The following GABRG3 variants were observed in gnomAD, a reference collection of about 807,000 sequenced individuals.
GABRG3 encodes gamma-aminobutyric acid type A receptor subunit gamma3.
Under a neutral mutation model 48.8 loss-of-function variants are expected in GABRG3, and 25 were observed. The observed-to-expected ratio is 0.51, with a 90% CI of 0.37 to 0.72. The LOEUF (loss-of-function observed/expected upper bound fraction) is 0.72, where lower values mean the gene tolerates loss of function less well. Among genes scored for constraint, GABRG3 ranks in the 30% least tolerant of loss-of-function variants. The probability of loss-of-function intolerance (pLI) is 0.00; values close to 1 mark genes in which losing one functional copy is unlikely to be tolerated. For synonymous variants in GABRG3, 227 were observed against 217.6 expected (o/e 1.04, Z -0.38); for missense variants, 394 against 577.9 (o/e 0.68, Z 3.26).
chr15:27,263,530 G>A (rs552048157), intron 3 of GABRG3, among the ~76,000 whole-genome samples: 1 of 152,218 alleles, frequency 6.6e-6, no homozygotes, highest in Non-Finnish European at 1.5e-5. Context: ...AGGAGCGTCC[G>A]ATGCACAGAT....
At chr15:27,293,878 A>G (rs1219952869) in intron 3 of GABRG3, among the ~76,000 whole-genome samples, 5 of 152,202 alleles carry the variant, frequency 3.3e-5, no homozygotes, top group African/African-American at 7.2e-5. Flanking sequence ...AGGAATCCCT[A>G]TGTCCAGGGA....
intron 3 of GABRG3, among the ~76,000 whole-genome samples, chr15:27,289,983 A>G (rs549248551): frequency 6.6e-6 from 1 of 152,286 alleles, no homozygotes; most frequent in South Asian, 2.1e-4. Flanking sequence ...AATAAAAGGA[A>G]CCAGAGCCCC....
intron 3 of GABRG3, among the ~76,000 whole-genome samples, chr15:27,101,842 T>TA (rs55887752): frequency 0.07 from 5,077 of 72,326 alleles, 212 homozygotes; most frequent in African/African-American, 0.1. Context: ...GCTGATGAGC[T>TA]AAAAAAAAAA....
At chr15:27,424,297 G>A (rs1050939786) in intron 5 of GABRG3, among the ~76,000 whole-genome samples, 1 of 152,098 alleles carries the variant, frequency 6.6e-6, no homozygotes, top group Non-Finnish European at 1.5e-5. Flanking sequence ...CCAAGACTGG[G>A]TAATTTATAA....
At chr15:27,441,524 G>A (rs1888783178) in intron 5 of GABRG3, among the ~76,000 whole-genome samples, 2 of 152,196 alleles carry the variant, frequency 1.3e-5, no homozygotes. Context: ...CCCAAGAGGA[G>A]CATGATGATC....
chr15:26,976,952 T>A lies in GABRG3; in HGVS notation c.54-50T>A. On this transcript the variant is annotated intron_variant, in intron 1 of 9. Coordinates refer to ENST00000615808, the MANE Select transcript of GABRG3 (RefSeq NM_033223.5). The surrounding 1 kb of genome is among the most constrained non-coding windows in gnomAD (Gnocchi z 7.8). ...GGATAGGACAAACTTAGGCTCTTCC[T>A]AGAGCCATTGCTGCCACTTATATGT... 1.9e-6 allele frequency: 3 copies of A among 1,603,468 alleles called. No individual in the cohort carries two copies. The highest frequency in any genetic ancestry group is 2.6e-6 in the Non-Finnish European group (3 of 1,170,958).
intron 5 of GABRG3, among the ~76,000 whole-genome samples, chr15:27,473,911 G>A (rs1330668668): frequency 6.6e-6 from 1 of 152,178 alleles, no homozygotes; most frequent in Non-Finnish European, 1.5e-5. Flanking sequence ...GTTAAACTCT[G>A]TCTTGTCTGT....
At chr15:26,982,662 A>G (rs1483089433) in intron 2 of GABRG3, among the ~76,000 whole-genome samples, 1 of 152,224 alleles carries the variant, frequency 6.6e-6, no homozygotes, top group African/African-American at 2.4e-5. Flanking sequence ...ATAAAACAGC[A>G]TATGTACACA....
intron 3 of GABRG3, among the ~76,000 whole-genome samples, chr15:27,278,024 G>A (rs934014829): frequency 9.9e-5 from 15 of 151,700 alleles, no homozygotes; most frequent in Admixed American, 3.9e-4. Flanking sequence ...TTATACACAC[G>A]CATCTGTGTG....
Position 27,315,733 on chromosome 15 carries a change from C to T in GABRG3, c.271-11076C>T, listed in dbSNP as rs547776965. Among the ~76,000 whole-genome samples, 6 of 152,312 alleles carry T rather than the reference C, an allele frequency of 3.9e-5. No individual in the cohort carries two copies. The South Asian group carries it at 1.2e-3, about 32-fold the overall frequency. The stretch of plus-strand genomic sequence containing the variant: ...TTGGTAACACCATTTTTATAAGATA[C>T]ATTCATTATACAACTGTTCACACTT... On this transcript the variant is annotated intron_variant, in intron 3 of 9. Coordinates refer to ENST00000615808, the MANE Select transcript of GABRG3 (RefSeq NM_033223.5).
intron 3 of GABRG3, among the ~76,000 whole-genome samples, chr15:27,228,991 ATATTT>A (rs1324525394): frequency 6.6e-6 from 1 of 152,154 alleles, no homozygotes; most frequent in African/African-American, 2.4e-5. Context: ...TAGTTTGCAA[ATATTT>A]TATTCTATTC....
intron 3 of GABRG3, among the ~76,000 whole-genome samples, chr15:27,042,168 C>T (rs773555017): frequency 6.6e-6 from 1 of 152,228 alleles, no homozygotes; most frequent in Non-Finnish European, 1.5e-5. Context: ...ATGTGGGTCC[C>T]ATCTGCCTCC....
chr15:27,500,849 A>AG (rs951360898), intron 6 of GABRG3, among the ~76,000 whole-genome samples: 2 of 151,926 alleles, frequency 1.3e-5, no homozygotes, highest in African/African-American at 4.8e-5. Context: ...GTTAAAAAAA[A>AG]AAAATTAATC....
intron 3 of GABRG3, among the ~76,000 whole-genome samples, chr15:27,119,386 A>G (rs1163435491): frequency 2.0e-5 from 3 of 152,184 alleles, no homozygotes; most frequent in South Asian, 4.2e-4. Context: ...GAACCTTACA[A>G]TGGTTAAGGA....
chr15:27,160,548 C>T (rs1416271503), intron 3 of GABRG3, among the ~76,000 whole-genome samples: 1 of 151,672 alleles, frequency 6.6e-6, no homozygotes, highest in Non-Finnish European at 1.5e-5. Flanking sequence ...TTGGGAAATC[C>T]CTTCAAATTT....
chr15:27,435,184 A>G (rs1033292544), intron 5 of GABRG3, among the ~76,000 whole-genome samples: 4 of 149,342 alleles, frequency 2.7e-5, no homozygotes, highest in Admixed American at 6.7e-5. Flanking sequence ...ACTATTTTAT[A>G]TAGTCTTTTA....
chr15:27,055,504 G>A (rs1275888761), intron 3 of GABRG3, among the ~76,000 whole-genome samples: 1 of 152,116 alleles, frequency 6.6e-6, no homozygotes, highest in African/African-American at 2.4e-5. Flanking sequence ...GACCTAATGC[G>A]ACAAATAGAA....
Position 27,540,244 on chromosome 15 carries a change from T to G in GABRG3, c.*7363T>G, listed in dbSNP as rs1891634825. The G allele has an allele frequency of 6.6e-6, 1 of 152,176 alleles. No homozygotes were observed. The highest frequency in any genetic ancestry group is 1.5e-5 in the Non-Finnish European group (1 of 68,010). 9.4% of individuals were successfully genotyped at this position (152,176 alleles called of 1,614,324 possible). ...CTATTTAGAAGAACATTCCATTCAA[T>G]TGTTGTTTGTTGATTGCTTTCTCTC... is the stretch of plus-strand genomic sequence containing the variant. On this transcript the variant is annotated 3_prime_UTR_variant, in exon 10 of 10. Transcript: ENST00000615808.
chr15:27,533,310 C>T lies in GABRG3; in HGVS notation c.*429C>T, dbSNP rs924539737. On this transcript the variant is annotated 3_prime_UTR_variant, in exon 10 of 10. Coordinates refer to ENST00000615808, the MANE Select transcript of GABRG3 (RefSeq NM_033223.5). ...TAGCACTCAGGAGTGTTGAATCACC[C>T]CTGGCCGAGACCCACTCCTGCTGGC... 3.5e-5 allele frequency: 6 copies of T among 169,468 alleles called. No individual in the cohort carries two copies. Among genetic ancestry groups the T allele is most frequent in the Non-Finnish European group, 7.6e-5 (6 of 79,278 alleles). 10.5% of individuals were successfully genotyped at this position (169,468 alleles called of 1,614,324 possible). A position where few individuals can be genotyped will look rare whatever the true frequency, so the allele number is the denominator to read the frequency against.
Sources: allele counts gnomAD v4.1 joint callset (sites outside exome capture counted in the v4.1 genomes callset), GRCh38; gene constraint gnomAD v4.1.1; non-coding constraint Gnocchi (gnomAD v3.1); transcripts MANE v1.5; gene names NCBI Gene and HGNC (gene_info 2026-07-23, HGNC 2026-07-21).